The following CEP192 variants were observed in gnomAD, a reference collection of about 807,000 sequenced individuals.
The protein encoded by CEP192 is centrosomal protein of 192 kDa.
A neutral mutation model predicts 271.8 loss-of-function variants in CEP192; 151 were observed. The ratio of observed to expected loss-of-function variants is 0.56; its 90% CI spans 0.49 to 0.64. The LOEUF (loss-of-function observed/expected upper bound fraction) is 0.64, where lower values mean the gene tolerates loss of function less well. Ranked by LOEUF, CEP192 falls within the 30% of genes least tolerant of loss-of-function variation. The pLI is 0.00. For missense variants in CEP192, 2,910 were observed against 3,020.5 expected (o/e 0.96, Z 0.86); for synonymous variants, 995 against 1,076.5 (o/e 0.92, Z 1.48).
intron 30 of CEP192, among the ~76,000 whole-genome samples, chr18:13,083,470 C>A (rs1414089985): frequency 6.6e-6 from 1 of 152,160 alleles, no homozygotes; most frequent in African/African-American, 2.4e-5. Flanking sequence ...TCCATCAGGT[C>A]ATTTGTGGTC....
At chr18:13,021,353 C>G (rs1306926397) in intron 9 of CEP192, among the ~76,000 whole-genome samples, 1 of 152,172 alleles carries the variant, frequency 6.6e-6, no homozygotes, top group African/African-American at 2.4e-5. Flanking sequence ...ATTTTCTCAG[C>G]ACCATTTATT....
At position 13,055,049 on chromosome 18, in the gene CEP192, A is replaced by T. The variant is rs189624984; in HGVS notation, c.3190-731A>T. Among the ~76,000 whole-genome samples, 31 of 152,176 alleles carry T rather than the reference A, an allele frequency of 2.0e-4. 1 individual carries two copies. The highest frequency in any genetic ancestry group is 3.9e-4 in the Admixed American group (6 of 15,288). On this transcript the variant is annotated intron_variant, in intron 18 of 44. Transcript: ENST00000506447. ...TCCCAGCACTTTGGGAGGCTGAGGCAGGCGGATCACCTGAGGTCAGGAGTT... is the reference window on the plus strand; with the variant it reads ...TCCCAGCACTTTGGGAGGCTGAGGCTGGCGGATCACCTGAGGTCAGGAGTT...
intron 30 of CEP192, among the ~76,000 whole-genome samples, chr18:13,082,304 A>G (rs977919395): frequency 5.3e-5 from 8 of 151,998 alleles, no homozygotes; most frequent in Admixed American, 1.3e-4. Flanking sequence ...TTAGGTGCAT[A>G]TATATTTAGG....
At chr18:13,057,766 C>T (rs1197280248) in intron 20 of CEP192, 33 bp downstream of exon 20, 2 of 1,602,138 alleles carry the variant, frequency 1.2e-6, no homozygotes, top group East Asian at 4.5e-5. Context: ...TTTAACCTAA[C>T]AGTTGCATTG....
chr18:13,084,183 G>C (rs2038772939), intron 30 of CEP192, among the ~76,000 whole-genome samples: 2 of 152,184 alleles, frequency 1.3e-5, no homozygotes, highest in African/African-American at 4.8e-5. Context: ...TTTAAGTCTG[G>C]AGAAGTTTCT....
intron 44 of CEP192, 46 bp from the exon 45 acceptor site, chr18:13,124,586 G>T (rs369841928): frequency 6.4e-7 from 1 of 1,568,682 alleles, no homozygotes. Context: ...ACAGGGTCAC[G>T]GGTGCTGTCA....
intron 36 of CEP192, among the ~76,000 whole-genome samples, chr18:13,098,991 AAC>A (rs1434522540): frequency 6.6e-6 from 1 of 152,160 alleles, no homozygotes; most frequent in African/African-American, 2.4e-5. Flanking sequence ...CAGCCTGGCC[AAC>A]ACAGCGAAAC....
intron 44 of CEP192, among the ~76,000 whole-genome samples, chr18:13,118,455 G>A (rs920654621): frequency 6.6e-6 from 1 of 152,172 alleles, no homozygotes; most frequent in African/African-American, 2.4e-5. Context: ...AAGATGGCTC[G>A]ATTGAGGACT....
chr18:13,113,842 G>T, intron 41 of CEP192, 137 bp downstream of exon 41: 1 of 881,040 alleles, frequency 1.1e-6, no homozygotes, highest in East Asian at 2.7e-5. Context: ...TTATTAATTG[G>T]CATGTTTGAG....
chr18:13,000,091 CTTTTTTTTTTTTT>C lies in CEP192; in HGVS notation c.164+518_164+530del, dbSNP rs775544715. ...CTCTGTATAACTCATTGTCTTCTCT[CTTTTTTTTTTTTT>C]TTTTTTTTTTTTTTGCTAATTAAAA... On this transcript the variant is annotated intron_variant, in intron 2 of 44. Coordinates refer to ENST00000506447, the MANE Select transcript of CEP192 (RefSeq NM_032142.4). Among the ~76,000 whole-genome samples the C allele has an allele frequency of 4.2e-4, 32 of 76,756 alleles. 2 individuals carry two copies. Among genetic ancestry groups the C allele is most frequent in the Admixed American group, 2.7e-3 (15 of 5,540 alleles). The allele number at this position is 76,756 out of a possible 152,430, so 50.4% of individuals were successfully genotyped here.
At chr18:12,996,925 G>A (rs1041841189) in intron 1 of CEP192, among the ~76,000 whole-genome samples, 2 of 152,164 alleles carry the variant, frequency 1.3e-5, no homozygotes, top group African/African-American at 4.8e-5. Context: ...AGTGGAACTG[G>A]ATGCCAGTCA....
chr18:13,008,309 A>C lies in CEP192; in HGVS notation c.291-147A>C, dbSNP rs559598733. The C allele has an allele frequency of 9.6e-6, 6 of 626,004 alleles. No individual in the cohort carries two copies. In the East Asian group the frequency reaches 1.1e-4, roughly 12 times the overall value. The allele number at this position is 626,004 out of a possible 1,614,324, so 38.8% of individuals were successfully genotyped here. On this transcript the variant is annotated intron_variant, in intron 3 of 44. Transcript: ENST00000506447. ...AATACAGTGCAGTGTTAGCAGTTGT[A>C]GTTTTCTGGCTAGACTCAAATGTTT...
chr18:13,028,493 A>C (rs2035430442), intron 9 of CEP192, among the ~76,000 whole-genome samples: 1 of 151,946 alleles, frequency 6.6e-6, no homozygotes, highest in African/African-American at 2.4e-5. Context: ...AGTCATCTGG[A>C]ATTTATTTTG....
At chr18:13,113,785 T>A (rs2040312594) in intron 41 of CEP192, 80 bp downstream of exon 41, 9 of 1,310,018 alleles carry the variant, frequency 6.9e-6, no homozygotes, top group Non-Finnish European at 9.4e-6. Flanking sequence ...AAAGTTGGCC[T>A]GAAAATGCAG....
chr18:13,106,479 C>A (rs943692244), intron 40 of CEP192, among the ~76,000 whole-genome samples: 9 of 130,366 alleles, frequency 6.9e-5, no homozygotes, highest in Admixed American at 6.1e-4. Flanking sequence ...ACCACCACTA[C>A]CACTACTCAC....
intron 30 of CEP192, among the ~76,000 whole-genome samples, chr18:13,084,649 C>T (rs959967832): frequency 2.6e-5 from 4 of 152,154 alleles, no homozygotes; most frequent in African/African-American, 9.7e-5. Flanking sequence ...CAACCAGTCC[C>T]AGTGAGATGA....
chr18:13,105,114 T>C (rs770584521), intron 40 of CEP192, 35 bp downstream of exon 40: 18 of 1,457,084 alleles, frequency 1.2e-5, no homozygotes, highest in Middle Eastern at 3.5e-4. Flanking sequence ...AGGAACATCA[T>C]GTAAATTGTC....
chr18:13,052,869 A>G (rs1036984985), intron 17 of CEP192, 50 bp from the exon 18 acceptor site: 1 of 1,410,258 alleles, frequency 7.1e-7, no homozygotes, highest in East Asian at 2.4e-5. Context: ...GCTAATGTAG[A>G]TAGTTGAAGG....
intron 33 of CEP192, among the ~76,000 whole-genome samples, chr18:13,090,622 C>T (rs2039096218): frequency 6.6e-6 from 1 of 152,016 alleles, no homozygotes; most frequent in Non-Finnish European, 1.5e-5. Context: ...ATCATCTGCT[C>T]AAAGGGAAGG....
Sources: gnomAD v4.1 joint callset for allele counts (sites outside exome capture counted in the v4.1 genomes callset) on GRCh38, gnomAD v4.1.1 for gene constraint, MANE v1.5 for transcripts, NCBI Gene and HGNC (gene_info 2026-07-23, HGNC 2026-07-21) for gene names.